Variants in DDX4 observed in about 807,000 individuals in gnomAD.
The protein encoded by DDX4 is DEAD-box helicase 4, also known as probable ATP-dependent RNA helicase DDX4.
Under a neutral mutation model 100.0 loss-of-function variants are expected in DDX4, and 25 were observed. That is an observed-to-expected ratio of 0.25 (90% confidence interval 0.18 to 0.35). The LOEUF is 0.35. Among genes scored for constraint, DDX4 ranks in the 10% least tolerant of loss-of-function variants. The pLI, the probability that DDX4 is intolerant of heterozygous loss-of-function variation, is 1.00. For missense variants in DDX4, 635 were observed against 882.4 expected (o/e 0.72, Z 3.55); for synonymous variants, 259 against 275.7 (o/e 0.94, Z 0.60).
At chr5:55,788,290 C>A (rs1409932781) in intron 15 of DDX4, among the ~76,000 whole-genome samples, 1 of 152,040 alleles carries the variant, frequency 6.6e-6, no homozygotes, top group Non-Finnish European at 1.5e-5. Flanking sequence ...GCCAGGGTAA[C>A]ATGGCAAGAC....
intron 15 of DDX4, among the ~76,000 whole-genome samples, chr5:55,789,838 A>T (rs1237295898): frequency 6.6e-6 from 1 of 152,166 alleles, no homozygotes; most frequent in Non-Finnish European, 1.5e-5. Context: ...TCCATATTTG[A>T]AGGAAGGAAT....
rs1742180275 is a variant in DDX4 at position 55,785,357 on chromosome 5, TAAAC to T, written c.673+16_673+19del. ...GGCTCTGGAAAGAGTAAGTTTTCCT[TAAAC>T]AAGGTGTTTGATTTTTATAGTGAGA... On this transcript the variant is annotated intron_variant, in intron 11 of 21. Transcript: ENST00000505374. 5 of 1,602,344 alleles carry T rather than the reference TAAAC, an allele frequency of 3.1e-6. No homozygotes were observed. The highest frequency in any genetic ancestry group is 2.6e-6 in the Non-Finnish European group (3 of 1,170,518).
At chr5:55,758,785 T>G (rs3843457) in intron 3 of DDX4, among the ~76,000 whole-genome samples, 17,372 of 150,388 alleles carry the variant, frequency 0.12, 1,528 homozygotes, top group East Asian at 0.29. Context: ...CCTCTAGTAG[T>G]TGGTTACCCT....
At chr5:55,761,857 G>A (rs1304808703) in intron 4 of DDX4, among the ~76,000 whole-genome samples, 1 of 152,084 alleles carries the variant, frequency 6.6e-6, no homozygotes, top group East Asian at 1.9e-4. Flanking sequence ...TGATCCACCT[G>A]CCTCGGCCTC....
intron 3 of DDX4, among the ~76,000 whole-genome samples, chr5:55,759,729 C>T (rs920982497): frequency 2.6e-5 from 4 of 152,052 alleles, no homozygotes; most frequent in African/African-American, 9.7e-5. Flanking sequence ...GTGATTATAT[C>T]CAGAGGAGAA....
intron 3 of DDX4, among the ~76,000 whole-genome samples, chr5:55,747,762 A>T (rs898481984): frequency 2.0e-5 from 3 of 152,136 alleles, no homozygotes; most frequent in African/African-American, 4.8e-5. Context: ...CCTGGCAACC[A>T]CCATCTACTT....
At chr5:55,753,036 T>G (rs1226225099) in intron 3 of DDX4, among the ~76,000 whole-genome samples, 1 of 151,578 alleles carries the variant, frequency 6.6e-6, no homozygotes, top group Non-Finnish European at 1.5e-5. Flanking sequence ...GGATTGTTTG[T>G]TTTTTTCTTG....
rs561880540 is a variant in DDX4 at position 55,805,501 on chromosome 5, A to G, written c.1615+6930A>G. On this transcript the variant is annotated intron_variant, in intron 18 of 21. Transcript: ENST00000505374. ...TTATTATTTTGAAATACGTCCCATC[A>G]ATACCTAATTTATTGAGAGTTTTTA... Among the ~76,000 whole-genome samples, 11 of 152,066 alleles carry G rather than the reference A, an allele frequency of 7.2e-5. No individual in the cohort carries two copies. The South Asian group carries it at 1.5e-3, about 20-fold the overall frequency.
chr5:55,757,415 C>A (rs139489217), intron 3 of DDX4, among the ~76,000 whole-genome samples: 2 of 152,190 alleles, frequency 1.3e-5, no homozygotes, highest in African/African-American at 4.8e-5. Context: ...TCTCCAATTC[C>A]ATCCAGGTTG....
In DDX4 at chr5:55,751,070, T is replaced by G. The variant is rs1759521686; in HGVS notation, c.127+4849T>G. 3.9e-5 allele frequency among the ~76,000 whole-genome samples: 6 copies of G among 152,134 alleles called. No individual in the cohort carries two copies. In the South Asian group the frequency reaches 1.2e-3, roughly 32 times the overall value. Reference sequence around the variant, plus strand: ...TATGGAAAGGAGTAATGTACTTAATTTGTCTAAATATTTCAAAAATTGCTC... The same window carrying G: ...TATGGAAAGGAGTAATGTACTTAATGTGTCTAAATATTTCAAAAATTGCTC... On this transcript the variant is annotated intron_variant, in intron 3 of 21. Coordinates refer to ENST00000505374, the MANE Select transcript of DDX4 (RefSeq NM_024415.3).
At chr5:55,786,167 G>T (rs777782452) in intron 13 of DDX4, among the ~76,000 whole-genome samples, 2 of 152,152 alleles carry the variant, frequency 1.3e-5, no homozygotes, top group Non-Finnish European at 2.9e-5. Flanking sequence ...GAGAAAGTGT[G>T]TCTTAGGGCA....
At chr5:55,790,466 A>G (rs952792030) in intron 15 of DDX4, 110 bp from the exon 16 acceptor site, 4 of 761,052 alleles carry the variant, frequency 5.3e-6, no homozygotes, top group East Asian at 2.6e-5. Context: ...ATTTTTTTAG[A>G]TAGTTGAATG....
chr5:55,815,126 A>G lies in DDX4; in HGVS notation c.1941A>G (p.Glu647=). 1 of 1,614,236 alleles carries G rather than the reference A, an allele frequency of 6.2e-7. No individual in the cohort carries two copies. The highest frequency in any genetic ancestry group is 8.5e-7 in the Non-Finnish European group (1 of 1,180,044). The change falls in exon 20 of 22, where the codon GAA becomes GAG. Residue 647 remains glutamate (E), a synonymous_variant. Coordinates refer to ENST00000505374, the MANE Select transcript of DDX4 (RefSeq NM_024415.3). ...GAGCAATTTCCTTTTTTGATCTTGA[A>G]TCGGATAACCATTTAGCACAGCCTC... ...TGRAISFFDL[E]SDNHLAQPLV... is the part of the protein sequence containing the mutation.
chr5:55,812,680 A>G (rs149967623), intron 18 of DDX4, among the ~76,000 whole-genome samples: 206 of 152,302 alleles, frequency 1.4e-3, no homozygotes, highest in African/African-American at 4.7e-3. Flanking sequence ...ACAGTTCACT[A>G]TCTTTATATC....
intron 18 of DDX4, among the ~76,000 whole-genome samples, chr5:55,801,506 A>G (rs578245822): frequency 2.9e-4 from 44 of 152,234 alleles, no homozygotes; most frequent in Admixed American, 2.9e-3. Context: ...GTTATGAAAA[A>G]GAATATAGAA....
At chr5:55,813,204 G>A (rs1744212323) in intron 18 of DDX4, among the ~76,000 whole-genome samples, 1 of 152,008 alleles carries the variant, frequency 6.6e-6, no homozygotes, top group South Asian at 2.1e-4. Context: ...GATAATGTTT[G>A]GAACACTAAT....
chr5:55,764,145 G>T, intron 6 of DDX4, 81 bp downstream of exon 6: 1 of 1,068,154 alleles, frequency 9.4e-7, no homozygotes, highest in Non-Finnish European at 1.4e-6. Context: ...AAGTCTCTTA[G>T]TCCGGGCCAA....
chr5:55,804,703 C>T (rs1260886978), intron 18 of DDX4, among the ~76,000 whole-genome samples: 1 of 152,026 alleles, frequency 6.6e-6, no homozygotes, highest in African/African-American at 2.4e-5. Flanking sequence ...GGTACCAGTA[C>T]CATGCTGTTT....
chr5:55,748,045 A>G (rs1759337274), intron 3 of DDX4, among the ~76,000 whole-genome samples: 1 of 152,232 alleles, frequency 6.6e-6, no homozygotes, highest in South Asian at 2.1e-4. Flanking sequence ...GGTTAAAGCA[A>G]ATCTAATTCT....
Sources: allele counts gnomAD v4.1 joint callset (sites outside exome capture counted in the v4.1 genomes callset), GRCh38; gene constraint gnomAD v4.1.1; transcripts MANE v1.5; gene names NCBI Gene and HGNC (gene_info 2026-07-23, HGNC 2026-07-21).